Variants in TRAM2 observed in about 807,000 individuals in gnomAD.
The protein encoded by TRAM2 is translocation associated membrane protein 2.
Under a neutral mutation model 51.0 loss-of-function variants are expected in TRAM2, and 12 were observed. The observed-to-expected ratio is 0.24, with a 90% CI of 0.15 to 0.38. The LOEUF (loss-of-function observed/expected upper bound fraction) is 0.38, where lower values mean the gene tolerates loss of function less well. TRAM2 is among the 10% of genes least tolerant of loss of function. The probability of loss-of-function intolerance (pLI) is 1.00; values close to 1 mark genes in which losing one functional copy is unlikely to be tolerated. For synonymous variants in TRAM2, 175 were observed against 179.4 expected (o/e 0.98, Z 0.20); for missense variants, 361 against 462.0 (o/e 0.78, Z 2.00).
chr6:52,540,490 T>C (rs1439333085), intron 1 of TRAM2, among the ~76,000 whole-genome samples: 1 of 151,908 alleles, frequency 6.6e-6, no homozygotes, highest in Non-Finnish European at 1.5e-5. Flanking sequence ...CCTGAAGGAG[T>C]GATCAGCTTC....
Position 52,501,030 on chromosome 6 carries a change from G to C in TRAM2, c.*2167C>G, listed in dbSNP as rs143440991. 936 of 152,284 alleles carry C rather than the reference G, an allele frequency of 6.1e-3. 4 individuals are homozygous for C. The highest frequency in any genetic ancestry group is 0.034 in the Middle Eastern group (10 of 298). 9.4% of individuals were successfully genotyped at this position (152,284 alleles called of 1,614,324 possible). On this transcript the variant is annotated 3_prime_UTR_variant, in exon 11 of 11. Transcript: ENST00000182527. ...GCGATTTGCAGTTATTAGGCAAGGT[G>C]GGGGGCCTGAACTCAATTATAGACT... is the stretch of plus-strand genomic sequence containing the variant.
intron 1 of TRAM2, among the ~76,000 whole-genome samples, chr6:52,570,628 G>A (rs1046149816): frequency 1.3e-5 from 2 of 152,104 alleles, no homozygotes; most frequent in African/African-American, 2.4e-5. Context: ...GGCGAGTGAA[G>A]CATTTCACAG....
chr6:52,514,089 T>TC (rs1167898767), intron 4 of TRAM2, among the ~76,000 whole-genome samples: 2 of 151,818 alleles, frequency 1.3e-5, no homozygotes. Context: ...GGCCCAAATC[T>TC]CCCCTGGTCA....
At chr6:52,573,234 A>G (rs1767708840) in intron 1 of TRAM2, among the ~76,000 whole-genome samples, 1 of 152,136 alleles carries the variant, frequency 6.6e-6, no homozygotes, top group Non-Finnish European at 1.5e-5. Flanking sequence ...GGCACAGAAC[A>G]GGACACTGGA....
intron 2 of TRAM2, among the ~76,000 whole-genome samples, chr6:52,530,600 C>T (rs1004923942): frequency 7.9e-5 from 12 of 152,124 alleles, no homozygotes; most frequent in Non-Finnish European, 1.6e-4. Context: ...TTTGGACACA[C>T]AGACTGACAC....
chr6:52,545,287 C>T, intron 1 of TRAM2, among the ~76,000 whole-genome samples: 1 of 152,232 alleles, frequency 6.6e-6, no homozygotes, highest in East Asian at 1.9e-4. Context: ...CAAAACCCCA[C>T]TTGGGGCTGA....
Position 52,518,848 on chromosome 6 carries a change from T to C in TRAM2, c.185-2111A>G, listed in dbSNP as rs149457290. Among the ~76,000 whole-genome samples, 494 of 152,308 alleles carry C rather than the reference T, an allele frequency of 3.2e-3. 1 individual carries two copies. Among genetic ancestry groups the C allele is most frequent in the Non-Finnish European group, 5.4e-3 (368 of 68,024 alleles). ...TTTGAAATTATAAAATAACTAAACA[T>C]AGTTTCATCATCAAGATCATCCTTA... On this transcript the variant is annotated intron_variant, in intron 2 of 10. Transcript: ENST00000182527.
At chr6:52,516,361 A>G (rs746669626) in intron 3 of TRAM2, 37 of 590,400 alleles carry the variant, frequency 6.3e-5, no homozygotes, top group Non-Finnish European at 9.9e-5. Flanking sequence ...AATAACCCCA[A>G]TTACTCAATG....
intron 7 of TRAM2, among the ~76,000 whole-genome samples, chr6:52,506,667 G>T (rs914588014): frequency 3.3e-5 from 5 of 152,150 alleles, no homozygotes; most frequent in African/African-American, 1.2e-4. Context: ...GACCCGTTAT[G>T]CATGTGACAC....
intron 1 of TRAM2, among the ~76,000 whole-genome samples, chr6:52,566,594 C>G (rs1386068111): frequency 6.6e-6 from 1 of 152,154 alleles, no homozygotes; most frequent in Non-Finnish European, 1.5e-5. Flanking sequence ...AGTCTCAACT[C>G]CACGGCAGGA....
intron 1 of TRAM2, among the ~76,000 whole-genome samples, chr6:52,556,892 C>A (rs1191088047): frequency 1.4e-5 from 2 of 144,114 alleles, no homozygotes; most frequent in Non-Finnish European, 3.0e-5. Flanking sequence ...CGTGCCACTG[C>A]ACTTCAGCCT....
chr6:52,528,295 T>A (rs982650458), intron 2 of TRAM2, among the ~76,000 whole-genome samples: 2 of 152,044 alleles, frequency 1.3e-5, no homozygotes, highest in Non-Finnish European at 2.9e-5. Flanking sequence ...CTCCTCCAGG[T>A]GTATGGGCCA....
chr6:52,545,391 G>T (rs562068961), intron 1 of TRAM2, among the ~76,000 whole-genome samples: 1 of 152,338 alleles, frequency 6.6e-6, no homozygotes, highest in South Asian at 2.1e-4. Flanking sequence ...GAAGGGACAG[G>T]AACTGCCTGG....
At chr6:52,536,091 C>T (rs1883930) in intron 1 of TRAM2, among the ~76,000 whole-genome samples, 37,362 of 152,170 alleles carry the variant, frequency 0.25, 4,987 homozygotes, top group East Asian at 0.6. Context: ...ATGAAACAAG[C>T]TGTGCATGGC....
At chr6:52,510,381 T>C (rs1169251360) in intron 4 of TRAM2, among the ~76,000 whole-genome samples, 1 of 152,000 alleles carries the variant, frequency 6.6e-6, no homozygotes, top group African/African-American at 2.4e-5. Context: ...GAGCTCACAG[T>C]AAGAAAGGGA....
chr6:52,539,657 T>C (rs1375280621), intron 1 of TRAM2, among the ~76,000 whole-genome samples: 3 of 152,158 alleles, frequency 2.0e-5, no homozygotes, highest in Non-Finnish European at 4.4e-5. Context: ...TGACCTGCCT[T>C]GATGATCTGA....
At chr6:52,527,076 T>C (rs1766794831) in intron 2 of TRAM2, among the ~76,000 whole-genome samples, 2 of 151,394 alleles carry the variant, frequency 1.3e-5, no homozygotes, top group Admixed American at 1.3e-4. Context: ...TCAAAACAAC[T>C]GATTAGAAAA....
intron 2 of TRAM2, among the ~76,000 whole-genome samples, chr6:52,518,272 TC>T (rs1766590731): frequency 6.6e-6 from 1 of 152,064 alleles, no homozygotes; most frequent in Admixed American, 6.5e-5. Flanking sequence ...ATTGGGGACA[TC>T]CTAGCCAGAG....
chr6:52,565,065 G>A (rs1767566600), intron 1 of TRAM2, among the ~76,000 whole-genome samples: 1 of 152,180 alleles, frequency 6.6e-6, no homozygotes, highest in South Asian at 2.1e-4. Context: ...TGAGGGAGGT[G>A]CAGAGTCCAG....
Sources: allele counts gnomAD v4.1 joint callset (sites outside exome capture counted in the v4.1 genomes callset), GRCh38; gene constraint gnomAD v4.1.1; transcripts MANE v1.5; gene names NCBI Gene and HGNC (gene_info 2026-07-23, HGNC 2026-07-21).